Variants in MYBPC1 observed in about 807,000 individuals in gnomAD.
MYBPC1 encodes the protein myosin binding protein C1, also known as myosin-binding protein C, slow-type.
A neutral mutation model predicts 147.1 loss-of-function variants in MYBPC1; 52 were observed. That is an observed-to-expected ratio of 0.35 (90% confidence interval 0.28 to 0.45). MYBPC1 has a LOEUF of 0.45. MYBPC1 is among the 20% of genes least tolerant of loss of function. The pLI is 1.00. For synonymous variants in MYBPC1, 477 were observed against 475.9 expected (o/e 1.00, Z -0.03); for missense variants, 1,228 against 1,440.3 (o/e 0.85, Z 2.39).
At chr12:101,644,832 CAGTA>C in intron 12 of MYBPC1, 36 bp downstream of exon 12, 1 of 1,596,004 alleles carries the variant, frequency 6.3e-7, no homozygotes. Flanking sequence ...GATAGCTCTA[CAGTA>C]AATTAATCAA....
intron 2 of MYBPC1, 77 bp from the exon 3 acceptor site, chr12:101,617,125 C>T: frequency 4.4e-6 from 6 of 1,361,222 alleles, no homozygotes; most frequent in Non-Finnish European, 6.3e-6. Context: ...CTTCCCTCCC[C>T]CTCTCCACCC....
chr12:101,602,762 ATTTCC>A (rs1880598050), intron 1 of MYBPC1, among the ~76,000 whole-genome samples: 1 of 152,012 alleles, frequency 6.6e-6, no homozygotes, highest in Admixed American at 6.6e-5. Flanking sequence ...CCACCACTAT[ATTTCC>A]TTCTTTTACT....
rs1018088935 is a variant in MYBPC1, at chr12:101,659,793, C to G, written c.1889C>G (p.Ala630Gly). Residue 630 changes from alanine to glycine, a missense_variant, in exon 19 of 32, where the codon GCT becomes GGT. Coordinates refer to ENST00000361466, the MANE Select transcript of MYBPC1 (RefSeq NM_002465.4). ...TACCACATCAATCTGAAAAACGAAG[C>G]TGGAGAGGCACATGCAAGCATCAAG... is the stretch of plus-strand genomic sequence containing the variant. ...GVYHINLKNE[A>G]GEAHASIKVK... is the part of the protein sequence containing the mutation. 6.2e-7 allele frequency: 1 copy of G among 1,614,128 alleles called. No individual in the cohort carries two copies. The highest frequency in any genetic ancestry group is 1.7e-5 in the Admixed American group (1 of 60,028).
intron 1 of MYBPC1, among the ~76,000 whole-genome samples, chr12:101,613,344 A>G (rs1220770732): frequency 6.6e-6 from 1 of 152,242 alleles, no homozygotes; most frequent in Non-Finnish European, 1.5e-5. Flanking sequence ...CTGCTTAACA[A>G]GAGTCACTTG....
chr12:101,659,439 T>C (rs911074477), intron 18 of MYBPC1, among the ~76,000 whole-genome samples: 5 of 152,180 alleles, frequency 3.3e-5, no homozygotes, highest in African/African-American at 9.7e-5. Context: ...AGTTTCTTTA[T>C]GTGTAAGATG....
intron 3 of MYBPC1, among the ~76,000 whole-genome samples, chr12:101,625,019 T>C (rs1888272662): frequency 6.6e-6 from 1 of 150,826 alleles, no homozygotes; most frequent in South Asian, 2.1e-4. Context: ...AGGTACTAAA[T>C]TGATAAATGT....
At chr12:101,681,113 T>C (rs1157390430) in intron 29 of MYBPC1, among the ~76,000 whole-genome samples, 1 of 152,240 alleles carries the variant, frequency 6.6e-6, no homozygotes, top group Non-Finnish European at 1.5e-5. Context: ...ATTTCATTTA[T>C]ACTAGTTTTC....
chr12:101,622,734 A>G (rs1048306780), intron 3 of MYBPC1, among the ~76,000 whole-genome samples: 10 of 149,300 alleles, frequency 6.7e-5, no homozygotes, highest in Non-Finnish European at 1.3e-4. Context: ...GACTCTGTCT[A>G]AAAAAAAATT....
chr12:101,651,484 G>A, intron 16 of MYBPC1, 91 bp downstream of exon 16: 1 of 1,533,744 alleles, frequency 6.5e-7, no homozygotes, highest in Non-Finnish European at 9.0e-7. Context: ...GATATTTGAA[G>A]GGTAGCCATA....
chr12:101,609,300 T>C (rs181999422), intron 1 of MYBPC1, among the ~76,000 whole-genome samples: 1 of 151,720 alleles, frequency 6.6e-6, no homozygotes, highest in Admixed American at 6.6e-5. Context: ...TAAAAAAAAA[T>C]TTTTTTCTGG....
intron 8 of MYBPC1, among the ~76,000 whole-genome samples, 196 bp downstream of exon 8, chr12:101,632,334 G>C (rs1890084483): frequency 6.6e-6 from 1 of 152,100 alleles, no homozygotes; most frequent in South Asian, 2.1e-4. Context: ...GAATTGGGGG[G>C]ATTTTATCGC....
intron 19 of MYBPC1, chr12:101,660,441 A>G (rs560530552): frequency 2.4e-5 from 4 of 167,014 alleles, no homozygotes; most frequent in African/African-American, 7.2e-5. Flanking sequence ...CACAACAACC[A>G]TATTCAACAT....
chr12:101,687,704 T>C (rs1951372607), downstream of MYBPC1, among the ~76,000 whole-genome samples: 1 of 152,016 alleles, frequency 6.6e-6, no homozygotes, highest in Non-Finnish European at 1.5e-5. Context: ...AGCTGCTGGG[T>C]CTTAGCCATA....
chr12:101,596,827 A>T (rs1341692983), intron 1 of MYBPC1, among the ~76,000 whole-genome samples: 2 of 152,204 alleles, frequency 1.3e-5, no homozygotes, highest in Admixed American at 6.5e-5. Context: ...TAAAGACTCC[A>T]TCATCTTCTT....
intron 3 of MYBPC1, among the ~76,000 whole-genome samples, chr12:101,625,100 T>C (rs1888291580): frequency 2.0e-5 from 3 of 152,114 alleles, no homozygotes; most frequent in Admixed American, 2.0e-4. Context: ...CTGTTAAGTC[T>C]GACCATACAT....
chr12:101,663,695 T>A, intron 22 of MYBPC1, 135 bp downstream of exon 22: 1 of 1,045,436 alleles, frequency 9.6e-7, no homozygotes, highest in East Asian at 2.6e-5. Flanking sequence ...GTCATCCTTC[T>A]GAGATGTATA....
rs1480296981 is a variant in MYBPC1, at chr12:101,652,746, C to G, written c.1595C>G (p.Ala532Gly). ...DEGDYVFAPD[A>G]YNVTLPAKVH... Reference sequence around the variant, plus strand: ...GGTGATTATGTATTTGCACCTGATGCCTACAATGTTACTCTGCCTGCCAAA... The same window carrying G: ...GGTGATTATGTATTTGCACCTGATGGCTACAATGTTACTCTGCCTGCCAAA... Residue 532 changes from alanine to glycine, a missense_variant, in exon 17 of 32, where the codon GCC becomes GGC. Physicochemically the swap from Ala to Gly is moderately conservative, Grantham distance 60. Coordinates refer to ENST00000361466, the MANE Select transcript of MYBPC1 (RefSeq NM_002465.4). 1 of 1,613,896 alleles carries G rather than the reference C, an allele frequency of 6.2e-7. No individual in the cohort carries two copies.
At chr12:101,669,934 A>C (rs1898224086) in intron 23 of MYBPC1, 1 of 333,080 alleles carries the variant, frequency 3.0e-6, no homozygotes, top group Non-Finnish European at 5.7e-6. Flanking sequence ...CTCTGAAAAA[A>C]AAAAAGAAAA....
At chr12:101,663,278 C>T (rs1896886930) in intron 21 of MYBPC1, 148 bp from the exon 22 acceptor site, 2 of 752,066 alleles carry the variant, frequency 2.7e-6, no homozygotes, top group African/African-American at 1.7e-5. Flanking sequence ...TTACACACAT[C>T]CATGCTCAAG....
Sources: allele counts gnomAD v4.1 joint callset (sites outside exome capture counted in the v4.1 genomes callset), GRCh38; gene constraint gnomAD v4.1.1; transcripts MANE v1.5; gene names NCBI Gene and HGNC (gene_info 2026-07-23, HGNC 2026-07-21).